C10orf90: variants seen among roughly 807,000 people sequenced by gnomAD.
The protein encoded by C10orf90 is chromosome 10 open reading frame 90, also known as (E2-independent) E3 ubiquitin-conjugating enzyme FATS.
A neutral mutation model predicts 62.5 loss-of-function variants in C10orf90; 56 were observed. The observed-to-expected ratio is 0.90, with a 90% CI of 0.72 to 1.12. C10orf90 has a LOEUF of 1.12. Among genes scored for constraint, C10orf90 ranks in the 50% most tolerant of loss-of-function variants. The pLI is 0.00. For synonymous variants in C10orf90, 386 were observed against 340.4 expected (o/e 1.13, Z -1.47); for missense variants, 970 against 880.4 (o/e 1.10, Z -1.29).
intron 7 of C10orf90, among the ~76,000 whole-genome samples, chr10:126,448,855 G>C (rs1180924815): frequency 6.6e-6 from 1 of 152,144 alleles, no homozygotes. Context: ...AATCCTAACA[G>C]AGTCACAGTG....
intron 4 of C10orf90, among the ~76,000 whole-genome samples, chr10:126,468,268 C>G (rs1166979254): frequency 6.6e-6 from 1 of 152,126 alleles, no homozygotes; most frequent in Non-Finnish European, 1.5e-5. Flanking sequence ...GAGGTTTTAC[C>G]ATGTTGGCCA....
At chr10:126,430,182 C>T (rs1310718471) in intron 7 of C10orf90, among the ~76,000 whole-genome samples, 4 of 152,082 alleles carry the variant, frequency 2.6e-5, no homozygotes, top group Non-Finnish European at 5.9e-5. Context: ...CTCATTCCAC[C>T]CATAGAGAAA....
intron 2 of C10orf90, among the ~76,000 whole-genome samples, chr10:126,579,072 A>T (rs10901636): frequency 0.59 from 86,222 of 145,604 alleles, 24,870 homozygotes; most frequent in African/African-American, 0.68. Context: ...GTTTTTTTTT[A>T]AAAAAAAAAA....
At chr10:126,521,549 C>T (rs1863745961) in intron 2 of C10orf90, 3 of 1,012,990 alleles carry the variant, frequency 3.0e-6, no homozygotes, top group South Asian at 2.5e-5. Context: ...CATACAAGCC[C>T]ACCTTGTGAC....
At chr10:126,609,608 C>A (rs981863259) in intron 2 of C10orf90, among the ~76,000 whole-genome samples, 1 of 152,154 alleles carries the variant, frequency 6.6e-6, no homozygotes, top group Non-Finnish European at 1.5e-5. Context: ...AGACAGTGAA[C>A]CACATGAAGA....
At chr10:126,596,281 T>C (rs1269346744) in intron 2 of C10orf90, among the ~76,000 whole-genome samples, 6 of 151,494 alleles carry the variant, frequency 4.0e-5, no homozygotes, top group Admixed American at 1.3e-4. Context: ...CCAGCCTGGG[T>C]GACAGAGCAA....
At position 126,650,880 on chromosome 10, in the gene C10orf90, C is replaced by T. The variant is rs60059003; in HGVS notation, c.241-4243G>A. On this transcript the variant is annotated intron_variant, in intron 1 of 9. Coordinates refer to ENST00000488181, the MANE Select transcript of C10orf90 (RefSeq NM_001350921.2). Reference sequence around the variant, plus strand: ...CCCTCCTGACCCTGGTCCAGCCTTCCTTCCACCCCCCAGCCACCTGCCACT... The same window carrying T: ...CCCTCCTGACCCTGGTCCAGCCTTCTTTCCACCCCCCAGCCACCTGCCACT... Among the ~76,000 whole-genome samples the T allele has an allele frequency of 7.4e-3, 1,123 of 152,300 alleles. 16 individuals carry two copies. Among genetic ancestry groups the T allele is most frequent in the African/African-American group, 0.025 (1,044 of 41,556 alleles).
At chr10:126,571,274 C>T (rs1265224221) in intron 2 of C10orf90, among the ~76,000 whole-genome samples, 2 of 152,174 alleles carry the variant, frequency 1.3e-5, no homozygotes, top group Non-Finnish European at 2.9e-5. Flanking sequence ...ATTCTTGACC[C>T]GGCAGGGGGC....
In C10orf90 at chr10:126,544,903, C is replaced by T. The variant is rs79719030; in HGVS notation, c.314-30964G>A. ...TACTATTCCCCTTCCTATTGATTGG[C>T]ACCAGTAGGGTGACAAATGTTGAAG... On this transcript the variant is annotated intron_variant, in intron 2 of 9. Transcript: ENST00000488181. Among the ~76,000 whole-genome samples the T allele has an allele frequency of 8.0e-3, 1,225 of 152,214 alleles. 18 individuals are homozygous for T. Among genetic ancestry groups the T allele is most frequent in the African/African-American group, 0.028 (1,147 of 41,522 alleles).
intron 2 of C10orf90, among the ~76,000 whole-genome samples, chr10:126,555,025 A>G (rs1323127579): frequency 1.3e-5 from 2 of 152,154 alleles, no homozygotes; most frequent in African/African-American, 4.8e-5. Context: ...CCTTTTATTC[A>G]GGGAAGACAA....
At chr10:126,665,846 A>T (rs1259531655) in intron 1 of C10orf90, among the ~76,000 whole-genome samples, 13 of 152,222 alleles carry the variant, frequency 8.5e-5, no homozygotes, top group Admixed American at 8.5e-4. Context: ...GAATTCCAGC[A>T]GCCTGCAGGG....
intron 2 of C10orf90, among the ~76,000 whole-genome samples, chr10:126,534,177 T>C (rs936076165): frequency 6.6e-6 from 1 of 152,214 alleles, no homozygotes; most frequent in Non-Finnish European, 1.5e-5. Context: ...CCCTCTGCAT[T>C]GCACAGCCAG....
intron 4 of C10orf90, among the ~76,000 whole-genome samples, chr10:126,497,404 AAAC>A (rs1284861180): frequency 6.6e-6 from 1 of 152,188 alleles, no homozygotes; most frequent in African/African-American, 2.4e-5. Flanking sequence ...GGTGAAGAGC[AAAC>A]AACGCAAGGA....
At chr10:126,532,563 C>G (rs749725646) in intron 2 of C10orf90, among the ~76,000 whole-genome samples, 33 of 151,890 alleles carry the variant, frequency 2.2e-4, no homozygotes, top group Admixed American at 5.9e-4. Flanking sequence ...CATGGCCGGG[C>G]GCGGTGGCTC....
intron 8 of C10orf90, among the ~76,000 whole-genome samples, chr10:126,427,663 G>A (rs1387110595): frequency 3.3e-5 from 5 of 152,126 alleles, no homozygotes; most frequent in African/African-American, 4.8e-5. Flanking sequence ...CCCTCCTGCC[G>A]TTGGACATCA....
At chr10:126,450,699 G>C (rs181049249) in intron 7 of C10orf90, among the ~76,000 whole-genome samples, 2 of 152,260 alleles carry the variant, frequency 1.3e-5, no homozygotes, top group East Asian at 3.9e-4. Context: ...AACTGAAAAT[G>C]AATTAAAGAG....
chr10:126,425,666 A>G lies in C10orf90; in HGVS notation c.*198T>C, dbSNP rs536195929. 1.7e-6 allele frequency: 1 copy of G among 604,304 alleles called. No individual in the cohort carries two copies. The highest frequency in any genetic ancestry group is 3.2e-5 in the Admixed American group (1 of 31,128). 37.4% of individuals were successfully genotyped at this position (604,304 alleles called of 1,614,324 possible). A position where few individuals can be genotyped will look rare whatever the true frequency, so the allele number is the denominator to read the frequency against. Reference sequence around the variant, plus strand: ...GTGGTTTCCCCACAACAGATTGTTGACCTATTTTCTCGAGGGTTATTGTTT... The same window carrying G: ...GTGGTTTCCCCACAACAGATTGTTGGCCTATTTTCTCGAGGGTTATTGTTT... On this transcript the variant is annotated 3_prime_UTR_variant, in exon 10 of 10. Transcript: ENST00000488181.
intron 2 of C10orf90, among the ~76,000 whole-genome samples, chr10:126,619,242 T>C (rs542909794): frequency 6.6e-6 from 1 of 152,332 alleles, no homozygotes; most frequent in South Asian, 2.1e-4. Flanking sequence ...CTATTCAGAA[T>C]AACTGTCATG....
chr10:126,544,544 G>T (rs925292935), intron 2 of C10orf90, among the ~76,000 whole-genome samples: 3 of 147,686 alleles, frequency 2.0e-5, no homozygotes, highest in Admixed American at 6.8e-5. Flanking sequence ...CATGTGAGAG[G>T]TTTTTTTTTT....
Sources: allele counts gnomAD v4.1 joint callset (sites outside exome capture counted in the v4.1 genomes callset), GRCh38; gene constraint gnomAD v4.1.1; transcripts MANE v1.5; gene names NCBI Gene and HGNC (gene_info 2026-07-23, HGNC 2026-07-21).